The following NDUFA8 variants were observed in gnomAD, a reference collection of about 807,000 sequenced individuals.
NDUFA8 encodes the protein NADH dehydrogenase [ubiquinone] 1 alpha subcomplex subunit 8.
Under a neutral mutation model 20.9 loss-of-function variants are expected in NDUFA8, and 16 were observed. The observed-to-expected ratio is 0.77, with a 90% confidence interval of 0.52 to 1.16. The LOEUF (loss-of-function observed/expected upper bound fraction) is 1.16, where lower values mean the gene tolerates loss of function less well. Ranked by LOEUF, NDUFA8 falls within the 50% of genes most tolerant of loss-of-function variation. NDUFA8 has a pLI of 0.00. For missense variants in NDUFA8, 202 were observed against 216.4 expected, an observed-to-expected ratio of 0.93 and a Z score of 0.42; for synonymous variants, 70 against 76.1, an observed-to-expected ratio of 0.92 and a Z score of 0.41.
intron 2 of NDUFA8, among the ~76,000 whole-genome samples, chr9:122,150,159 A>G (rs1008847088): frequency 1.3e-5 from 2 of 152,140 alleles, no homozygotes; most frequent in African/African-American, 2.4e-5. Flanking sequence ...ACGGTGGCTC[A>G]CGCTTGTAAT....
At chr9:122,156,880 G>A (rs559650647) in intron 1 of NDUFA8, among the ~76,000 whole-genome samples, 3 of 152,302 alleles carry the variant, frequency 2.0e-5, no homozygotes, top group South Asian at 4.1e-4. Flanking sequence ...ATAATTTTAA[G>A]AGCCACTGAG....
intron 2 of NDUFA8, among the ~76,000 whole-genome samples, chr9:122,150,410 C>CA (rs60728190): frequency 0.055 from 1,085 of 19,658 alleles, 166 homozygotes; most frequent in Non-Finnish European, 0.11. Context: ...CACCCCATCA[C>CA]AAAAAAAAAA....
At chr9:122,137,213 A>ACATGAAACAATTT in the NDUFA8 span, among the ~76,000 whole-genome samples, 1 of 151,396 alleles carries the variant, frequency 6.6e-6, no homozygotes, top group Non-Finnish European at 1.5e-5. Context: ...CAACAAAGTT[A>ACATGAAACAATTT]CATGAAACAA....
At chr9:122,158,795 ATGTG>A (rs753627020) in intron 1 of NDUFA8, among the ~76,000 whole-genome samples, 1 of 141,832 alleles carries the variant, frequency 7.1e-6, no homozygotes, top group African/African-American at 3.1e-5. Context: ...GTGTATATAT[ATGTG>A]TATGTGTGTG....
At chr9:122,136,417 C>G in the NDUFA8 span, among the ~76,000 whole-genome samples, 4 of 142,120 alleles carry the variant, frequency 2.8e-5, no homozygotes, top group Admixed American at 2.9e-4. Flanking sequence ...ACTTTTTACA[C>G]ATTTGCTGAA....
chr9:122,132,996 C>T, the NDUFA8 span: 2 of 456,096 alleles, frequency 4.4e-6, no homozygotes, highest in Non-Finnish European at 8.8e-6. Context: ...AAAGGCACCA[C>T]GTTTGCCACT....
At chr9:122,137,476 A>G in the NDUFA8 span, among the ~76,000 whole-genome samples, 1 of 151,918 alleles carries the variant, frequency 6.6e-6, no homozygotes, top group African/African-American at 2.4e-5. Flanking sequence ...CCTGAACTCA[A>G]GTGATCCACC....
the NDUFA8 span, among the ~76,000 whole-genome samples, chr9:122,134,735 G>C: frequency 0.63 from 95,587 of 151,978 alleles, 30,494 homozygotes; most frequent in Middle Eastern, 0.71. Context: ...GAACCCTTCC[G>C]ATCTTTGGGC....
intron 1 of NDUFA8, among the ~76,000 whole-genome samples, chr9:122,155,291 C>A (rs981443843): frequency 6.6e-6 from 1 of 152,194 alleles, no homozygotes; most frequent in South Asian, 2.1e-4. Context: ...GTTGGTCAGG[C>A]TGGTCTCAAA....
chr9:122,157,967 C>G (rs1395094447), intron 1 of NDUFA8, among the ~76,000 whole-genome samples: 2 of 152,148 alleles, frequency 1.3e-5, no homozygotes, highest in African/African-American at 4.8e-5. Flanking sequence ...TCCTGGCTAA[C>G]ACGGTGAAAC....
intron 1 of NDUFA8, among the ~76,000 whole-genome samples, chr9:122,153,756 C>T (rs889711368): frequency 3.3e-5 from 5 of 152,166 alleles, no homozygotes; most frequent in African/African-American, 9.7e-5. Flanking sequence ...ACTTTTTTGG[C>T]TATTCTTTCA....
chr9:122,136,272 TA>T, the NDUFA8 span, among the ~76,000 whole-genome samples: 1 of 152,216 alleles, frequency 6.6e-6, no homozygotes, highest in Non-Finnish European at 1.5e-5. Flanking sequence ...TCAGGAATGG[TA>T]CACACATTAT....
intron 2 of NDUFA8, among the ~76,000 whole-genome samples, chr9:122,150,941 C>A: frequency 8.1e-6 from 1 of 123,266 alleles, no homozygotes; most frequent in Non-Finnish European, 1.6e-5. Context: ...CATTGCACTC[C>A]AGCCTGGGCA....
Position 122,148,993 on chromosome 9 carries a change from CCTTAT to C in NDUFA8, c.216-721_216-717del, listed in dbSNP as rs367977957. 2.9e-3 allele frequency among the ~76,000 whole-genome samples: 441 copies of C among 152,242 alleles called. 1 individual carries two copies. Among genetic ancestry groups the C allele is most frequent in the African/African-American group, 7.6e-3 (314 of 41,526 alleles). On this transcript the variant is annotated intron_variant, in intron 2 of 3. Coordinates refer to ENST00000373768, the MANE Select transcript of NDUFA8 (RefSeq NM_014222.3). ...AAGTTTCAGTTTTTTGCAAAATCCT[CCTTAT>C]CTTATCATTCAACCCTACTAGTATG... is the stretch of plus-strand genomic sequence containing the variant.
At chr9:122,154,253 C>T (rs774389866) in intron 1 of NDUFA8, among the ~76,000 whole-genome samples, 24 of 152,214 alleles carry the variant, frequency 1.6e-4, no homozygotes, top group Non-Finnish European at 3.2e-4. Flanking sequence ...GCACAAGTAG[C>T]TGTTGAGCAC....
chr9:122,145,623 C>G (rs776354991), intron 3 of NDUFA8, among the ~76,000 whole-genome samples: 3 of 152,174 alleles, frequency 2.0e-5, no homozygotes, highest in African/African-American at 4.8e-5. Flanking sequence ...TTATAACCAC[C>G]TTATGAGGCA....
downstream of NDUFA8, among the ~76,000 whole-genome samples, chr9:122,140,732 T>C (rs1156296506): frequency 6.6e-6 from 1 of 152,236 alleles, no homozygotes; most frequent in Non-Finnish European, 1.5e-5. Flanking sequence ...ATCAACCCTC[T>C]ACTATGCATT....
intron 3 of NDUFA8, among the ~76,000 whole-genome samples, chr9:122,144,918 A>G (rs1828879804): frequency 6.6e-6 from 1 of 152,208 alleles, no homozygotes; most frequent in South Asian, 2.1e-4. Context: ...AGGCTGCATG[A>G]AGAATGGAGG....
chr9:122,155,727 T>C (rs1404386844), intron 1 of NDUFA8, among the ~76,000 whole-genome samples: 1 of 152,214 alleles, frequency 6.6e-6, no homozygotes, highest in African/African-American at 2.4e-5. Flanking sequence ...CTTAATATAT[T>C]TTAATAATTA....
Sources: allele counts gnomAD v4.1 joint callset (sites outside exome capture counted in the v4.1 genomes callset), GRCh38; gene constraint gnomAD v4.1.1; transcripts MANE v1.5; gene names NCBI Gene and HGNC (gene_info 2026-07-23, HGNC 2026-07-21).